ANK3: variants seen among roughly 807,000 people sequenced by gnomAD.
ANK3 encodes the protein ankyrin 3, also known as ankyrin-3.
ANK3 carries 57 observed loss-of-function variants against 370.9 expected under a neutral mutation model. The observed-to-expected ratio is 0.15, with a 90% CI of 0.12 to 0.19. The LOEUF (loss-of-function observed/expected upper bound fraction) is 0.19, where lower values mean the gene tolerates loss of function less well. Among genes scored for constraint, ANK3 ranks in the 10% least tolerant of loss-of-function variants. ANK3 has a pLI of 1.00. For synonymous variants in ANK3, 1,929 were observed against 1,946.3 expected (o/e 0.99, Z 0.23); for missense variants, 4,439 against 5,302.1 (o/e 0.84, Z 5.06).
chr10:60,367,722 T>A (rs1409801689), intron 1 of ANK3, among the ~76,000 whole-genome samples: 1 of 152,254 alleles, frequency 6.6e-6, no homozygotes, highest in Non-Finnish European at 1.5e-5. Flanking sequence ...CATTTCCCCC[T>A]GCTGCACTGC....
At chr10:60,140,562 C>T in intron 23 of ANK3, 3 of 1,382,080 alleles carry the variant, frequency 2.2e-6, no homozygotes, top group East Asian at 5.4e-5. Flanking sequence ...TCTTTCCCCA[C>T]TCAGAGTTCG....
chr10:60,325,581 A>G (rs988978763), intron 1 of ANK3, among the ~76,000 whole-genome samples: 1 of 152,110 alleles, frequency 6.6e-6, no homozygotes, highest in African/African-American at 2.4e-5. Flanking sequence ...ACTTTTACTG[A>G]TTCTCTGTTT....
intron 1 of ANK3, among the ~76,000 whole-genome samples, chr10:60,626,856 A>G (rs145802694): frequency 1.4e-3 from 216 of 152,282 alleles, no homozygotes; most frequent in African/African-American, 5.1e-3. Context: ...CTCAAGTTGA[A>G]ATACTAGCAT....
rs775983202 is a variant in ANK3, at chr10:60,186,841, A to G, written c.1959T>C (p.Tyr653=). ...QMDIATTLLE[Y]GADANAVTRQ... is the part of the protein sequence containing the mutation. ...GGGTAACTGCGTTGGCATCAGCACC[A>G]TATTCCAGCAGAGTTGTCGCTATGT... The change falls in exon 17 of 44, where the codon TAT becomes TAC. Residue 653 remains tyrosine, a synonymous_variant. Coordinates refer to ENST00000280772, the MANE Select transcript of ANK3 (RefSeq NM_020987.5). The G allele has an allele frequency of 1.9e-6, 3 of 1,614,194 alleles. No homozygotes were observed. The highest frequency in any genetic ancestry group is 1.1e-5 in the South Asian group (1 of 91,084).
At chr10:60,280,411 T>A (rs929298758) in intron 1 of ANK3, among the ~76,000 whole-genome samples, 5 of 152,300 alleles carry the variant, frequency 3.3e-5, no homozygotes, top group East Asian at 1.9e-4. Context: ...GATGTTCTAC[T>A]GGATTTTCCT....
intron 1 of ANK3, among the ~76,000 whole-genome samples, chr10:60,342,796 C>A (rs2132987753): frequency 6.6e-6 from 1 of 152,164 alleles, no homozygotes; most frequent in South Asian, 2.1e-4. Flanking sequence ...ATATTTTCTA[C>A]ATAAGATGAA....
At chr10:60,442,096 C>A (rs1483988184) in intron 2 of ANK3, among the ~76,000 whole-genome samples, 2 of 134,986 alleles carry the variant, frequency 1.5e-5, no homozygotes, top group Non-Finnish European at 3.2e-5. Context: ...CTCCCATATA[C>A]TTTTTTTTTT....
intron 1 of ANK3, among the ~76,000 whole-genome samples, chr10:60,690,661 G>GGCT (rs146183304): frequency 0.012 from 1,780 of 151,988 alleles, 34 homozygotes; most frequent in African/African-American, 0.04. Context: ...ACAAATCTAG[G>GGCT]GCTGCTGCCA....
chr10:60,090,961 A>C (rs2088191906), intron 28 of ANK3, among the ~76,000 whole-genome samples: 1 of 152,198 alleles, frequency 6.6e-6, no homozygotes, highest in Admixed American at 6.5e-5. Flanking sequence ...CACGAGTGCA[A>C]TGGCACGATC....
At chr10:60,631,530 C>CA (rs2078484016) in intron 1 of ANK3, among the ~76,000 whole-genome samples, 1 of 151,538 alleles carries the variant, frequency 6.6e-6, no homozygotes, top group African/African-American at 2.4e-5. Context: ...TACTCCATCT[C>CA]AAAAAATAAA....
intron 1 of ANK3, among the ~76,000 whole-genome samples, chr10:60,383,874 C>G (rs1265173661): frequency 6.6e-6 from 1 of 152,168 alleles, no homozygotes; most frequent in African/African-American, 2.4e-5. Context: ...TCAGGAAGCA[C>G]TGAGCTTCAA....
At chr10:60,140,277 A>T in intron 23 of ANK3, 1 of 1,435,130 alleles carries the variant, frequency 7.0e-7, no homozygotes, top group Non-Finnish European at 9.8e-7. Flanking sequence ...GTAACTATTT[A>T]CGGCTGGGCT....
At chr10:60,085,099 T>C (rs1423118111) in intron 31 of ANK3, 58 bp downstream of exon 31, 13 of 1,419,502 alleles carry the variant, frequency 9.2e-6, no homozygotes, top group Non-Finnish European at 1.3e-5. Context: ...ATTTTTACTT[T>C]CCAAAAGGTA....
chr10:60,234,616 G>T, intron 8 of ANK3, 72 bp downstream of exon 8: 3 of 876,628 alleles, frequency 3.4e-6, no homozygotes. Context: ...TTGTATCAGT[G>T]CAAAGGTATC....
At chr10:60,226,484 TATATAC>T (rs1274676563) in intron 8 of ANK3, among the ~76,000 whole-genome samples, 13 of 78,104 alleles carry the variant, frequency 1.7e-4, no homozygotes, top group East Asian at 5.6e-4. Context: ...ATATACTATA[TATATAC>T]ATATACTATA....
At chr10:60,162,431 A>G (rs2095522275) in intron 23 of ANK3, among the ~76,000 whole-genome samples, 1 of 152,142 alleles carries the variant, frequency 6.6e-6, no homozygotes, top group African/African-American at 2.4e-5. Context: ...CATCAGTGTA[A>G]TGGCAGGAAT....
chr10:60,446,323 G>T (rs988391439), intron 2 of ANK3, among the ~76,000 whole-genome samples: 1 of 152,122 alleles, frequency 6.6e-6, no homozygotes, highest in Non-Finnish European at 1.5e-5. Flanking sequence ...TCAGAGCATG[G>T]TCCATTATGC....
intron 7 of ANK3, among the ~76,000 whole-genome samples, chr10:60,237,810 C>T (rs1383578440): frequency 6.6e-6 from 1 of 152,134 alleles, no homozygotes; most frequent in Non-Finnish European, 1.5e-5. Flanking sequence ...AGGACCTGAA[C>T]TTCTGTAATT....
At chr10:60,141,571 T>TTG (rs35853508) in intron 23 of ANK3, among the ~76,000 whole-genome samples, 81,533 of 120,808 alleles carry the variant, frequency 0.67, 28,842 homozygotes, top group Non-Finnish European at 0.77. Flanking sequence ...GTTTTTTTTT[T>TTG]TTTTTTTTTT....
Sources: allele counts gnomAD v4.1 joint callset (sites outside exome capture counted in the v4.1 genomes callset), GRCh38; gene constraint gnomAD v4.1.1; transcripts MANE v1.5; gene names NCBI Gene and HGNC (gene_info 2026-07-23, HGNC 2026-07-21).